Variants in SGCZ observed in about 807,000 individuals in gnomAD.
SGCZ encodes the protein sarcoglycan zeta, also known as zeta-sarcoglycan.
In SGCZ, 40 loss-of-function variants were observed where a neutral mutation model predicts 41.3. The observed-to-expected ratio is 0.97, with a 90% CI of 0.75 to 1.26. The LOEUF is 1.26. Ranked by LOEUF, SGCZ falls within the 50% of genes most tolerant of loss-of-function variation. The pLI is 0.00. For missense variants in SGCZ, 552 were observed against 369.8 expected, an observed-to-expected ratio of 1.49 and a Z score of -4.04; for synonymous variants, 206 against 137.5, an observed-to-expected ratio of 1.50 and a Z score of -3.49.
intron 2 of SGCZ, among the ~76,000 whole-genome samples, chr8:14,476,578 T>C (rs957610984): frequency 6.6e-6 from 1 of 152,154 alleles, no homozygotes; most frequent in African/African-American, 2.4e-5. Flanking sequence ...AGAGGACATC[T>C]GCTTATCTAT....
intron 3 of SGCZ, among the ~76,000 whole-genome samples, chr8:14,303,743 A>T (rs551732949): frequency 6.6e-6 from 1 of 152,148 alleles, no homozygotes; most frequent in Non-Finnish European, 1.5e-5. Context: ...TAGATATCAA[A>T]ATATCAAATA....
At chr8:14,247,467 C>T (rs1213671003) in intron 3 of SGCZ, among the ~76,000 whole-genome samples, 1 of 152,178 alleles carries the variant, frequency 6.6e-6, no homozygotes, top group African/African-American at 2.4e-5. Context: ...CAGTCAAAAA[C>T]CTCCAACTCC....
chr8:14,964,439 A>T lies in SGCZ; in HGVS notation c.39+273146T>A, dbSNP rs188085019. Among the ~76,000 whole-genome samples, 15 of 152,264 alleles carry T rather than the reference A, an allele frequency of 9.9e-5. No homozygotes were observed. In the East Asian group the frequency reaches 2.7e-3, roughly 28 times the overall value. On this transcript the variant is annotated intron_variant, in intron 1 of 7. Transcript: ENST00000382080. ...CCCTGCCTAGGACTTTAGAGCTTCA[A>T]ATTTTTTGGAGCTGGTGATGCTAAC...
rs972898857 is a variant in SGCZ at position 14,719,478 on chromosome 8, A to G, written c.40-164552T>C. 2.2e-4 allele frequency among the ~76,000 whole-genome samples: 33 copies of G among 151,464 alleles called. 1 individual carries two copies. The highest frequency in any genetic ancestry group is 7.4e-5 in the Non-Finnish European group (5 of 67,802). ...AGTTTACAGTCCCACCAATAGTGTA[A>G]AAGTGTTCCTATTTCTCCACATCCT... On this transcript the variant is annotated intron_variant, in intron 1 of 7. Transcript: ENST00000382080.
intron 5 of SGCZ, among the ~76,000 whole-genome samples, chr8:14,134,099 T>C (rs1030690273): frequency 5.9e-5 from 9 of 152,226 alleles, no homozygotes; most frequent in Non-Finnish European, 1.0e-4. Context: ...CTACAGGTTA[T>C]GTTATACGAG....
At chr8:14,759,538 T>C (rs1799794769) in intron 1 of SGCZ, among the ~76,000 whole-genome samples, 1 of 152,184 alleles carries the variant, frequency 6.6e-6, no homozygotes, top group South Asian at 2.1e-4. Flanking sequence ...CTTTTCTACA[T>C]GACATGGAGT....
intron 1 of SGCZ, among the ~76,000 whole-genome samples, chr8:14,830,121 T>C (rs1802476906): frequency 6.6e-6 from 1 of 152,208 alleles, no homozygotes; most frequent in Admixed American, 6.5e-5. Flanking sequence ...TATGTTTGTA[T>C]TTTTTATTTT....
rs111469538 is a variant in SGCZ at position 14,682,714 on chromosome 8, G to A, written c.40-127788C>T. Reference sequence around the variant, plus strand: ...CTCCCAAAGTGCTGGGATTACAGGCGTGAGCCACCATAAACCATGCACATA... The same window carrying A: ...CTCCCAAAGTGCTGGGATTACAGGCATGAGCCACCATAAACCATGCACATA... On this transcript the variant is annotated intron_variant, in intron 1 of 7. Transcript: ENST00000382080. Among the ~76,000 whole-genome samples, 359 of 152,250 alleles carry A rather than the reference G, an allele frequency of 2.4e-3. 2 individuals carry two copies. Among genetic ancestry groups the A allele is most frequent in the Non-Finnish European group, 2.5e-3 (173 of 68,018 alleles).
chr8:15,217,946 C>G (rs575114417), intron 1 of SGCZ, among the ~76,000 whole-genome samples: 67 of 152,142 alleles, frequency 4.4e-4, no homozygotes, highest in African/African-American at 1.6e-3. Flanking sequence ...ATTTGCCAAA[C>G]GGGGTGGCGT....
intron 1 of SGCZ, among the ~76,000 whole-genome samples, chr8:14,637,660 T>C (rs1806879147): frequency 1.3e-5 from 2 of 152,022 alleles, no homozygotes; most frequent in South Asian, 4.1e-4. Flanking sequence ...TTCCGTTCTT[T>C]TTTATGGCTG....
intron 1 of SGCZ, among the ~76,000 whole-genome samples, chr8:14,633,385 T>A (rs779063033): frequency 1.4e-4 from 22 of 151,954 alleles, no homozygotes; most frequent in Non-Finnish European, 2.8e-4. Context: ...TTCTCTAAAA[T>A]AGACATAGTA....
chr8:14,180,290 T>C (rs991975758), intron 4 of SGCZ, among the ~76,000 whole-genome samples: 1 of 152,124 alleles, frequency 6.6e-6, no homozygotes, highest in Non-Finnish European at 1.5e-5. Flanking sequence ...GACACACTTA[T>C]CTATAACAAA....
intron 3 of SGCZ, chr8:14,308,994 G>T: frequency 1.1e-6 from 1 of 907,338 alleles, no homozygotes; most frequent in South Asian, 1.7e-5. Flanking sequence ...ATTCCAAACC[G>T]CACCCGGCCT....
intron 1 of SGCZ, among the ~76,000 whole-genome samples, chr8:14,626,767 C>T (rs747585350): frequency 1.4e-4 from 22 of 152,156 alleles, no homozygotes; most frequent in Non-Finnish European, 2.8e-4. Context: ...CCTCACAGCC[C>T]TCAGAAGGAA....
At chr8:14,700,219 CA>C (rs1297216518) in intron 1 of SGCZ, among the ~76,000 whole-genome samples, 2 of 151,860 alleles carry the variant, frequency 1.3e-5, no homozygotes, top group Non-Finnish European at 2.9e-5. Context: ...TGCCCATCAA[CA>C]GTGGAATGGA....
At chr8:14,877,067 G>A (rs957015711) in intron 1 of SGCZ, among the ~76,000 whole-genome samples, 4 of 152,114 alleles carry the variant, frequency 2.6e-5, no homozygotes, top group Non-Finnish European at 4.4e-5. Context: ...TCTGCCTCCC[G>A]GGTTCAAGCA....
chr8:14,781,002 T>C (rs971531296), intron 1 of SGCZ, among the ~76,000 whole-genome samples: 2 of 152,178 alleles, frequency 1.3e-5, no homozygotes, highest in African/African-American at 4.8e-5. Flanking sequence ...CTAAAATATT[T>C]AGTTTAAACT....
chr8:14,602,012 C>T (rs570698965), intron 1 of SGCZ, among the ~76,000 whole-genome samples: 12 of 151,780 alleles, frequency 7.9e-5, no homozygotes, highest in Admixed American at 2.6e-4. Context: ...CCCAGCTACT[C>T]GGGAGGCTGA....
chr8:14,742,704 C>T (rs1241205487), intron 1 of SGCZ, among the ~76,000 whole-genome samples: 1 of 152,002 alleles, frequency 6.6e-6, no homozygotes, highest in Admixed American at 6.6e-5. Flanking sequence ...GGAAGATGCT[C>T]ATTGATACAA....
Sources: gnomAD v4.1 joint callset for allele counts (sites outside exome capture counted in the v4.1 genomes callset) on GRCh38, gnomAD v4.1.1 for gene constraint, MANE v1.5 for transcripts, NCBI Gene and HGNC (gene_info 2026-07-23, HGNC 2026-07-21) for gene names.